The following CNTN4 variants were observed in gnomAD, a reference collection of about 807,000 sequenced individuals.
CNTN4 encodes contactin 4.
In CNTN4, 77 loss-of-function variants were observed where a neutral mutation model predicts 122.5. The ratio of observed to expected loss-of-function variants is 0.63; its 90% confidence interval spans 0.52 to 0.76. The LOEUF (loss-of-function observed/expected upper bound fraction) is 0.76. Ranked by LOEUF, CNTN4 falls within the 30% of genes least tolerant of loss-of-function variation. The probability of loss-of-function intolerance (pLI) is 0.00; values close to 1 mark genes in which losing one functional copy is unlikely to be tolerated. For synonymous variants in CNTN4, 512 were observed against 447.0 expected (o/e 1.15, Z -1.83); for missense variants, 1,256 against 1,259.1 (o/e 1.00, Z 0.04).
Position 2,833,372 on chromosome 3 carries a change from T to C in CNTN4, c.454+13791T>C, listed in dbSNP as rs903642254. On this transcript the variant is annotated intron_variant, in intron 7 of 24. Transcript: ENST00000418658. The stretch of plus-strand genomic sequence containing the variant: ...GCATGGCTAACTAGGTAAGTTTTTA[T>C]AAAGAACATAAAATGAAAGTATAAT... Among the ~76,000 whole-genome samples, 3 of 152,202 alleles carry C rather than the reference T, an allele frequency of 2.0e-5. No individual in the cohort carries two copies. The East Asian group carries it at 5.8e-4, about 29-fold the overall frequency.
At chr3:2,416,391 C>T (rs1168381306) in intron 3 of CNTN4, among the ~76,000 whole-genome samples, 2 of 152,046 alleles carry the variant, frequency 1.3e-5, no homozygotes, top group African/African-American at 2.4e-5. Context: ...GTAGGAATAT[C>T]TGCGTTATAT....
intron 4 of CNTN4, among the ~76,000 whole-genome samples, chr3:2,618,388 T>G (rs907423563): frequency 6.6e-6 from 1 of 152,174 alleles, no homozygotes; most frequent in Non-Finnish European, 1.5e-5. Context: ...TGTTTACGTA[T>G]ACACATATTA....
intron 13 of CNTN4, among the ~76,000 whole-genome samples, chr3:2,958,501 C>T (rs1385364756): frequency 6.6e-6 from 1 of 152,150 alleles, no homozygotes; most frequent in Admixed American, 6.5e-5. Flanking sequence ...TAAATGTTAG[C>T]ATAAACAATC....
At chr3:2,376,929 G>A (rs142307144) in intron 3 of CNTN4, among the ~76,000 whole-genome samples, 80 of 152,090 alleles carry the variant, frequency 5.3e-4, no homozygotes, top group African/African-American at 1.9e-3. Flanking sequence ...AGACTGAGGC[G>A]GGTGGATCAC....
chr3:2,806,128 C>A (rs2092462707), intron 6 of CNTN4, among the ~76,000 whole-genome samples: 1 of 152,094 alleles, frequency 6.6e-6, no homozygotes, highest in Non-Finnish European at 1.5e-5. Flanking sequence ...GTGTCGATCT[C>A]CTGACCTCGG....
intron 6 of CNTN4, among the ~76,000 whole-genome samples, chr3:2,751,512 C>G (rs1164875544): frequency 2.0e-5 from 3 of 152,060 alleles, no homozygotes; most frequent in African/African-American, 7.2e-5. Context: ...CGTCCAGGAG[C>G]AAAACCAAGT....
In CNTN4 at chr3:2,230,305, A is replaced by G. The variant is rs147745940; in HGVS notation, c.-144-108873A>G. Reference sequence around the variant, plus strand: ...GTGCCATAGTGTGTACAACCAGAAGAGCTCTCATATATACCTTGCGTGATT... The same window carrying G: ...GTGCCATAGTGTGTACAACCAGAAGGGCTCTCATATATACCTTGCGTGATT... On this transcript the variant is annotated intron_variant, in intron 2 of 24. Transcript: ENST00000418658. Among the ~76,000 whole-genome samples, 250 of 152,292 alleles carry G rather than the reference A, an allele frequency of 1.6e-3. 1 individual carries two copies. Among genetic ancestry groups the G allele is most frequent in the African/African-American group, 5.5e-3 (229 of 41,572 alleles).
chr3:2,449,072 A>T (rs1247559460), intron 3 of CNTN4, among the ~76,000 whole-genome samples: 2 of 152,206 alleles, frequency 1.3e-5, no homozygotes, highest in African/African-American at 4.8e-5. Context: ...ATAACTGTTT[A>T]ATCAAAGGAT....
At chr3:2,113,680 T>A (rs1448689079) in intron 2 of CNTN4, among the ~76,000 whole-genome samples, 3 of 152,162 alleles carry the variant, frequency 2.0e-5, no homozygotes, top group African/African-American at 7.2e-5. Context: ...GATCAGAGTC[T>A]ATATAGTTTA....
chr3:2,642,293 TG>T (rs2082930351), intron 4 of CNTN4, among the ~76,000 whole-genome samples: 1 of 152,212 alleles, frequency 6.6e-6, no homozygotes, highest in African/African-American at 2.4e-5. Context: ...ACACTCTGCC[TG>T]CTTTTATTCC....
intron 6 of CNTN4, among the ~76,000 whole-genome samples, chr3:2,750,286 C>G (rs543557723): frequency 6.6e-6 from 1 of 152,294 alleles, no homozygotes; most frequent in South Asian, 2.1e-4. Flanking sequence ...ATCTCATTTA[C>G]ATACTTTCTA....
intron 4 of CNTN4, among the ~76,000 whole-genome samples, chr3:2,723,000 C>G (rs1559429967): frequency 6.6e-6 from 1 of 152,108 alleles, no homozygotes; most frequent in Non-Finnish European, 1.5e-5. Context: ...GGGAAATGGA[C>G]TTTCACTTGT....
chr3:2,196,634 A>G (rs1181065062), intron 2 of CNTN4, among the ~76,000 whole-genome samples: 1 of 152,172 alleles, frequency 6.6e-6, no homozygotes, highest in Non-Finnish European at 1.5e-5. Flanking sequence ...GCATAAAGAA[A>G]TATAGACAAG....
At chr3:2,736,479 T>C (rs1209405897) in intron 5 of CNTN4, 138 bp downstream of exon 5, 1 of 395,932 alleles carries the variant, frequency 2.5e-6, no homozygotes, top group African/African-American at 2.2e-5. Context: ...ATTTATATTT[T>C]TGGGACCGAG....
chr3:2,796,851 A>T (rs2092200142), intron 6 of CNTN4, among the ~76,000 whole-genome samples: 1 of 152,192 alleles, frequency 6.6e-6, no homozygotes, highest in South Asian at 2.1e-4. Flanking sequence ...ACTTTATAGC[A>T]TTCCTTAAGA....
At chr3:2,339,788 A>C (rs1039824233) in intron 3 of CNTN4, among the ~76,000 whole-genome samples, 5 of 152,352 alleles carry the variant, frequency 3.3e-5, no homozygotes, top group African/African-American at 1.2e-4. Flanking sequence ...GATCCAATAA[A>C]GTAACTGGTG....
At chr3:2,778,258 TAAAG>T (rs1193681932) in intron 6 of CNTN4, among the ~76,000 whole-genome samples, 15 of 146,832 alleles carry the variant, frequency 1.0e-4, no homozygotes, top group East Asian at 2.0e-4. Flanking sequence ...ATAAATAAAA[TAAAG>T]AAATAACTGT....
At chr3:2,134,844 A>C (rs2034612123) in intron 2 of CNTN4, among the ~76,000 whole-genome samples, 1 of 152,220 alleles carries the variant, frequency 6.6e-6, no homozygotes, top group South Asian at 2.1e-4. Context: ...TTTGATCTCC[A>C]ATTGATTGGG....
chr3:2,276,338 A>T (rs2041508939), intron 2 of CNTN4, among the ~76,000 whole-genome samples: 1 of 151,678 alleles, frequency 6.6e-6, no homozygotes, highest in Non-Finnish European at 1.5e-5. Context: ...GTGCTCAGCT[A>T]TTTTTTTGTA....
Sources: gnomAD v4.1 joint callset for allele counts (sites outside exome capture counted in the v4.1 genomes callset) on GRCh38, gnomAD v4.1.1 for gene constraint, MANE v1.5 for transcripts, NCBI Gene and HGNC (gene_info 2026-07-23, HGNC 2026-07-21) for gene names.